Variants in SIAH3 observed in about 807,000 individuals in gnomAD.
SIAH3 encodes the protein siah E3 ubiquitin protein ligase family member 3, also known as seven in absentia homolog 3.
A neutral mutation model predicts 12.6 loss-of-function variants in SIAH3; 9 were observed. The ratio of observed to expected loss-of-function variants is 0.72; its 90% CI spans 0.43 to 1.25. The LOEUF is 1.25. Ranked by LOEUF, SIAH3 falls within the 50% of genes most tolerant of loss-of-function variation. The pLI, the probability that SIAH3 is intolerant of heterozygous loss-of-function variation, is 0.00. For missense variants in SIAH3, 390 were observed against 365.4 expected (o/e 1.07, Z -0.55); for synonymous variants, 154 against 151.1 (o/e 1.02, Z -0.14).
At chr13:45,827,388 C>T (rs747637481) in intron 1 of SIAH3, among the ~76,000 whole-genome samples, 1 of 152,184 alleles carries the variant, frequency 6.6e-6, no homozygotes, top group Non-Finnish European at 1.5e-5. Context: ...TGCTAGAAAC[C>T]ATCTACCCCC....
rs1472132264 is a variant in SIAH3 at position 45,781,456 on chromosome 13, G to A, written c.*1927C>T. On this transcript the variant is annotated 3_prime_UTR_variant, in exon 2 of 2. Transcript: ENST00000400405. ...GACGGACCAGCCTCAGGTGTTCTTGGGCATCTGTGTGATTGGAGGAGGGTG... is the reference window on the plus strand; with the variant it reads ...GACGGACCAGCCTCAGGTGTTCTTGAGCATCTGTGTGATTGGAGGAGGGTG... 2.0e-5 allele frequency: 3 copies of A among 152,188 alleles called. No individual in the cohort carries two copies. The highest frequency in any genetic ancestry group is 4.4e-5 in the Non-Finnish European group (3 of 68,058). The allele number at this position is 152,188 out of a possible 1,614,324, so 9.4% of individuals were successfully genotyped here. A position where few individuals can be genotyped will look rare whatever the true frequency, so the allele number is the denominator to read the frequency against.
intron 1 of SIAH3, among the ~76,000 whole-genome samples, chr13:45,820,650 G>A (rs1192325103): frequency 6.6e-6 from 1 of 152,010 alleles, no homozygotes; most frequent in Non-Finnish European, 1.5e-5. Context: ...TCCCACCACC[G>A]CGGCCCTCCT....
At chr13:45,808,210 A>G (rs1950604421) in intron 1 of SIAH3, among the ~76,000 whole-genome samples, 1 of 152,216 alleles carries the variant, frequency 6.6e-6, no homozygotes, top group South Asian at 2.1e-4. Context: ...AGTGATGAAG[A>G]AAATGTTAAT....
At position 45,779,737 on chromosome 13, in the gene SIAH3, T is replaced by G. The variant is rs548438797; in HGVS notation, c.*3646A>C. The G allele has an allele frequency of 2.4e-4, 37 of 152,368 alleles. No individual in the cohort carries two copies. The South Asian group carries it at 7.5e-3, about 31-fold the overall frequency. The allele number at this position is 152,368 out of a possible 1,614,324, so 9.4% of individuals were successfully genotyped here. On this transcript the variant is annotated 3_prime_UTR_variant, in exon 2 of 2. Transcript: ENST00000400405. ...AAAGTACGCAGCCTACTGGATCATA[T>G]AGAAAAGCCTCAATAAGTGGTAGCC... is the stretch of plus-strand genomic sequence containing the variant.
chr13:45,844,950 C>A (rs1304735958), intron 1 of SIAH3, among the ~76,000 whole-genome samples: 1 of 152,180 alleles, frequency 6.6e-6, no homozygotes, highest in Non-Finnish European at 1.5e-5. Context: ...AATTTGTAGA[C>A]CACAACCACT....
chr13:45,844,740 T>C (rs1238530725), intron 1 of SIAH3, among the ~76,000 whole-genome samples: 2 of 152,260 alleles, frequency 1.3e-5, no homozygotes, highest in African/African-American at 2.4e-5. Context: ...TTCTTATGCA[T>C]TCCTTACAAC....
intron 1 of SIAH3, among the ~76,000 whole-genome samples, chr13:45,820,776 C>T (rs963102132): frequency 1.3e-5 from 2 of 152,172 alleles, no homozygotes; most frequent in African/African-American, 2.4e-5. Context: ...TTCTGGGGCC[C>T]TCAGAACTTA....
At chr13:45,811,992 C>A (rs777154115) in intron 1 of SIAH3, among the ~76,000 whole-genome samples, 1 of 152,208 alleles carries the variant, frequency 6.6e-6, no homozygotes, top group African/African-American at 2.4e-5. Context: ...TCCCTCTGAA[C>A]TTTCAGAGAC....
In SIAH3 at chr13:45,779,012, G is replaced by T. The variant is rs1950494328; in HGVS notation, c.*4371C>A. The T allele has an allele frequency of 6.6e-6, 1 of 152,124 alleles. No homozygotes were observed. The highest frequency in any genetic ancestry group is 2.4e-5 in the African/African-American group (1 of 41,438). 9.4% of individuals were successfully genotyped at this position (152,124 alleles called of 1,614,324 possible). ...AGTGCTTAACAACTGGCTTTCTAGG[G>T]AGAAAAATCCCTGTCTAGTAGCATT... On this transcript the variant is annotated 3_prime_UTR_variant, in exon 2 of 2. Transcript: ENST00000400405.
chr13:45,827,019 C>T (rs1390360604), intron 1 of SIAH3, among the ~76,000 whole-genome samples: 1 of 152,102 alleles, frequency 6.6e-6, no homozygotes. Context: ...TTCCTTTTTT[C>T]TTCATGGCTA....
chr13:45,827,712 T>C (rs1950683855), intron 1 of SIAH3, among the ~76,000 whole-genome samples: 1 of 152,196 alleles, frequency 6.6e-6, no homozygotes, highest in Non-Finnish European at 1.5e-5. Context: ...CAGGCTCTGA[T>C]TGATTCAGTA....
At chr13:45,836,388 C>A (rs1413302374) in intron 1 of SIAH3, among the ~76,000 whole-genome samples, 1 of 152,172 alleles carries the variant, frequency 6.6e-6, no homozygotes, top group Non-Finnish European at 1.5e-5. Flanking sequence ...TAAAAAGGAA[C>A]AAGATCATGT....
At position 45,783,252 on chromosome 13, in the gene SIAH3, AT is replaced by A; in HGVS notation, c.*130del. On this transcript the variant is annotated 3_prime_UTR_variant, in exon 2 of 2. Transcript: ENST00000400405. ...CTCACAAAGTACCTGAGACAAAAAAATAATAATAATTAAAAATTAAAAAAAA... is the reference window on the plus strand; with the variant it reads ...CTCACAAAGTACCTGAGACAAAAAAAAATAATAATTAAAAATTAAAAAAAA... The A allele has an allele frequency of 1.8e-6, 1 of 570,238 alleles. No individual in the cohort carries two copies. Among genetic ancestry groups the A allele is most frequent in the African/African-American group, 2.0e-5 (1 of 50,252 alleles). The allele number at this position is 570,238 out of a possible 1,614,324, so 35.3% of individuals were successfully genotyped here.
intron 1 of SIAH3, among the ~76,000 whole-genome samples, chr13:45,844,245 G>A (rs182816985): frequency 1.4e-3 from 211 of 152,348 alleles, no homozygotes; most frequent in African/African-American, 4.8e-3. Context: ...GTTTCTGTGA[G>A]GATGTTTCCA....
intron 1 of SIAH3, among the ~76,000 whole-genome samples, chr13:45,785,731 T>A (rs1428501559): frequency 6.6e-6 from 1 of 152,152 alleles, no homozygotes; most frequent in Non-Finnish European, 1.5e-5. Flanking sequence ...CCCCCAGAAG[T>A]GTGATCTACA....
intron 1 of SIAH3, among the ~76,000 whole-genome samples, chr13:45,791,899 G>C (rs1950546798): frequency 6.6e-6 from 1 of 152,142 alleles, no homozygotes; most frequent in Non-Finnish European, 1.5e-5. Flanking sequence ...GAGCTAAAAA[G>C]GAAGTGCTGT....
At chr13:45,792,653 T>G (rs1030350128) in intron 1 of SIAH3, among the ~76,000 whole-genome samples, 4 of 151,794 alleles carry the variant, frequency 2.6e-5, no homozygotes, top group Admixed American at 1.3e-4. Flanking sequence ...CCACTGTGTC[T>G]GGCCATGAAG....
intron 1 of SIAH3, among the ~76,000 whole-genome samples, chr13:45,784,412 T>G (rs73191351): frequency 0.19 from 28,401 of 146,992 alleles, 3,731 homozygotes; most frequent in East Asian, 0.38. Context: ...TTTTTTTTTT[T>G]TTTTTTTTTG....
intron 1 of SIAH3, among the ~76,000 whole-genome samples, chr13:45,789,538 C>T (rs148357132): frequency 1.3e-5 from 2 of 152,086 alleles, no homozygotes; most frequent in African/African-American, 4.8e-5. Context: ...TCCTGAGTAG[C>T]TGGGACTACA....
Sources: allele counts gnomAD v4.1 joint callset (sites outside exome capture counted in the v4.1 genomes callset), GRCh38; gene constraint gnomAD v4.1.1; transcripts MANE v1.5; gene names NCBI Gene and HGNC (gene_info 2026-07-23, HGNC 2026-07-21).